The following NLRP11 variants were observed in gnomAD, a reference collection of about 807,000 sequenced individuals.
The protein encoded by NLRP11 is NACHT, LRR and PYD domains-containing protein 11.
In NLRP11, 53 loss-of-function variants were observed where a neutral mutation model predicts 79.3. The observed-to-expected ratio is 0.67, with a 90% CI of 0.54 to 0.84. The LOEUF is 0.84. Among genes scored for constraint, NLRP11 ranks in the 40% least tolerant of loss-of-function variants. The pLI is 0.00. For synonymous variants in NLRP11, 518 were observed against 462.6 expected (o/e 1.12, Z -1.54); for missense variants, 1,264 against 1,255.0 (o/e 1.01, Z -0.11).
chr19:55,813,586 G>T (rs941227901), intron 2 of NLRP11, among the ~76,000 whole-genome samples: 2 of 152,166 alleles, frequency 1.3e-5, no homozygotes, highest in African/African-American at 4.8e-5. Context: ...GTGAAGAAAA[G>T]AAATCATATC....
At chr19:55,829,658 C>CAA (rs543036205) in intron 1 of NLRP11, among the ~76,000 whole-genome samples, 35 of 73,152 alleles carry the variant, frequency 4.8e-4, no homozygotes, top group Middle Eastern at 9.4e-3. Context: ...GACTCCGTCT[C>CAA]AAAAAAAAAA....
At chr19:55,794,128 C>T (rs758513459) in intron 6 of NLRP11, among the ~76,000 whole-genome samples, 2 of 152,088 alleles carry the variant, frequency 1.3e-5, no homozygotes, top group Non-Finnish European at 2.9e-5. Flanking sequence ...AAACTCCATG[C>T]CAACAATCTA....
upstream of NLRP11, among the ~76,000 whole-genome samples, chr19:55,834,332 A>G (rs576078300): frequency 2.0e-5 from 3 of 152,318 alleles, no homozygotes; most frequent in South Asian, 6.2e-4. Flanking sequence ...AATACAAGGA[A>G]AACAATGAAA....
upstream of NLRP11, among the ~76,000 whole-genome samples, chr19:55,834,591 C>T (rs1182309156): frequency 6.6e-6 from 1 of 151,006 alleles, no homozygotes; most frequent in East Asian, 1.9e-4. Flanking sequence ...TCACCTGTGC[C>T]TCAGGGACTC....
chr19:55,812,476 C>T (rs565559876), intron 2 of NLRP11, among the ~76,000 whole-genome samples: 64 of 152,120 alleles, frequency 4.2e-4, no homozygotes, highest in African/African-American at 1.5e-3. Context: ...ATTACAGTCC[C>T]AAAAGGAGAG....
At chr19:55,813,390 T>A (rs1980792028) in intron 2 of NLRP11, among the ~76,000 whole-genome samples, 1 of 152,146 alleles carries the variant, frequency 6.6e-6, no homozygotes, top group Non-Finnish European at 1.5e-5. Flanking sequence ...ATTACTTGAC[T>A]TGTAGTTTCT....
chr19:55,823,771 C>G (rs1318038385), intron 1 of NLRP11, among the ~76,000 whole-genome samples: 4 of 149,482 alleles, frequency 2.7e-5, no homozygotes, highest in Non-Finnish European at 5.9e-5. Flanking sequence ...TGTGAAAAGA[C>G]CAAATCTACG....
At chr19:55,800,774 A>G (rs1979405093) in intron 5 of NLRP11, among the ~76,000 whole-genome samples, 1 of 152,198 alleles carries the variant, frequency 6.6e-6, no homozygotes, top group South Asian at 2.1e-4. Context: ...TTCTCTGTGA[A>G]ATACTGGGTT....
At chr19:55,794,438 G>A (rs1978601320) in intron 6 of NLRP11, among the ~76,000 whole-genome samples, 1 of 151,886 alleles carries the variant, frequency 6.6e-6, no homozygotes, top group Non-Finnish European at 1.5e-5. Context: ...ATTTATCTGG[G>A]GCCACATGGA....
intron 1 of NLRP11, among the ~76,000 whole-genome samples, chr19:55,829,449 G>T (rs1161789929): frequency 6.6e-6 from 1 of 151,950 alleles, no homozygotes; most frequent in Non-Finnish European, 1.5e-5. Context: ...CAGATCACGA[G>T]GTCAGGAGAT....
chr19:55,820,002 G>T (rs948659198), intron 1 of NLRP11, among the ~76,000 whole-genome samples: 7 of 152,150 alleles, frequency 4.6e-5, no homozygotes, highest in Non-Finnish European at 1.0e-4. Context: ...CCCCAATAAA[G>T]GGGTAAAAAA....
At chr19:55,802,211 GAGA>G (rs1979547320) in intron 4 of NLRP11, among the ~76,000 whole-genome samples, 2 of 125,660 alleles carry the variant, frequency 1.6e-5, no homozygotes, top group African/African-American at 3.2e-5. Flanking sequence ...CAAATAGGAA[GAGA>G]AGAAGTCAAA....
At chr19:55,815,346 T>G (rs899973882) in intron 2 of NLRP11, among the ~76,000 whole-genome samples, 37 of 151,854 alleles carry the variant, frequency 2.4e-4, no homozygotes, top group African/African-American at 7.7e-4. Flanking sequence ...CTGGCCAACA[T>G]AGTGAAACCC....
chr19:55,814,348 A>T (rs1980882455), intron 2 of NLRP11, among the ~76,000 whole-genome samples: 1 of 152,140 alleles, frequency 6.6e-6, no homozygotes, highest in South Asian at 2.1e-4. Context: ...ATATATTACA[A>T]TGTAATAGAA....
chr19:55,788,900 C>T lies in NLRP11; in HGVS notation c.2762G>A (p.Arg921Lys), dbSNP rs759427012. The T allele has an allele frequency of 1.9e-6, 3 of 1,613,844 alleles. No individual in the cohort carries two copies. In the South Asian group the frequency reaches 3.3e-5, roughly 18 times the overall value. ...CAAGTGATTTTGAAGCAAGTTGAGTCTTTCTAGTGTTTTGTTGGTGGTAAG... is the reference window on the plus strand; with the variant it reads ...CAAGTGATTTTGAAGCAAGTTGAGTTTTTCTAGTGTTTTGTTGGTGGTAAG... The change falls in exon 9 of 10, where the codon AGA becomes AAA. Residue 921 changes from arginine to lysine, a missense_variant. Physicochemically the swap from Arg to Lys is conservative, Grantham distance 26 (BLOSUM62 2). Transcript: ENST00000589093.
At chr19:55,786,362 A>G (rs142200825) in intron 9 of NLRP11, among the ~76,000 whole-genome samples, 82 of 152,122 alleles carry the variant, frequency 5.4e-4, no homozygotes, top group Admixed American at 2.1e-3. Flanking sequence ...CATCTCTACC[A>G]AAGATACAAA....
At chr19:55,822,121 C>T (rs1272326188) in intron 1 of NLRP11, among the ~76,000 whole-genome samples, 1 of 152,130 alleles carries the variant, frequency 6.6e-6, no homozygotes, top group Non-Finnish European at 1.5e-5. Flanking sequence ...ATTAGGCAAG[C>T]ATGGTGGTGG....
At chr19:55,794,715 G>C (rs770955472) in intron 6 of NLRP11, among the ~76,000 whole-genome samples, 2 of 151,812 alleles carry the variant, frequency 1.3e-5, no homozygotes, top group Non-Finnish European at 2.9e-5. Context: ...AGCCGAGATC[G>C]CGCCACCGCA....
At chr19:55,814,429 T>C (rs1452151872) in intron 2 of NLRP11, among the ~76,000 whole-genome samples, 2 of 152,124 alleles carry the variant, frequency 1.3e-5, no homozygotes, top group Admixed American at 6.5e-5. Flanking sequence ...TTCTAGTCCA[T>C]GGAAAAATTG....
Sources: allele counts gnomAD v4.1 joint callset (sites outside exome capture counted in the v4.1 genomes callset), GRCh38; gene constraint gnomAD v4.1.1; transcripts MANE v1.5; gene names NCBI Gene and HGNC (gene_info 2026-07-23, HGNC 2026-07-21).